SIPA1L1: variants seen among roughly 807,000 people sequenced by gnomAD.
The protein encoded by SIPA1L1 is signal-induced proliferation-associated 1-like protein 1.
In SIPA1L1, 26 loss-of-function variants were observed where a neutral mutation model predicts 162.7. The ratio of observed to expected loss-of-function variants is 0.16; its 90% CI spans 0.12 to 0.22. The LOEUF is 0.22. SIPA1L1 is among the 10% of genes least tolerant of loss of function. The pLI is 1.00. For synonymous variants in SIPA1L1, 829 were observed against 837.4 expected (o/e 0.99, Z 0.17); for missense variants, 1,874 against 2,241.0 (o/e 0.84, Z 3.31).
At chr14:71,608,633 A>C (rs1829781096) in intron 5 of SIPA1L1, among the ~76,000 whole-genome samples, 1 of 152,222 alleles carries the variant, frequency 6.6e-6, no homozygotes, top group Non-Finnish European at 1.5e-5. Context: ...ACGGTGGCTC[A>C]TGTCTGTAGT....
chr14:71,334,392 C>T (rs1306161857), intron 2 of SIPA1L1, among the ~76,000 whole-genome samples: 1 of 152,176 alleles, frequency 6.6e-6, no homozygotes, highest in Non-Finnish European at 1.5e-5. Context: ...AGCATATGCC[C>T]TCCAAAGCCT....
At chr14:71,465,865 G>T (rs1167091576) in intron 2 of SIPA1L1, among the ~76,000 whole-genome samples, 1 of 152,148 alleles carries the variant, frequency 6.6e-6, no homozygotes, top group South Asian at 2.1e-4. Context: ...AAAGTTCAAG[G>T]GCAGGAAGCA....
intron 2 of SIPA1L1, among the ~76,000 whole-genome samples, chr14:71,348,670 T>C (rs1017962191): frequency 6.6e-6 from 1 of 152,216 alleles, no homozygotes; most frequent in Non-Finnish European, 1.5e-5. Flanking sequence ...AATTAGTTTT[T>C]AAGCTTTAAA....
intron 2 of SIPA1L1, among the ~76,000 whole-genome samples, chr14:71,345,786 T>C (rs2036102445): frequency 6.6e-6 from 1 of 151,958 alleles, no homozygotes; most frequent in South Asian, 2.1e-4. Context: ...GCCAGGATGG[T>C]CTCCACCTCC....
intron 7 of SIPA1L1, among the ~76,000 whole-genome samples, chr14:71,626,181 C>T (rs974633844): frequency 2.0e-5 from 3 of 152,142 alleles, no homozygotes; most frequent in African/African-American, 7.2e-5. Context: ...AATATCTTTA[C>T]TAGGCAAAAT....
At chr14:71,354,838 G>T (rs2037087021) in intron 2 of SIPA1L1, among the ~76,000 whole-genome samples, 1 of 152,160 alleles carries the variant, frequency 6.6e-6, no homozygotes, top group African/African-American at 2.4e-5. Flanking sequence ...CACCATCAGT[G>T]CTAAAGCTAA....
chr14:71,713,094 C>T (rs1345581160), intron 17 of SIPA1L1, among the ~76,000 whole-genome samples: 1 of 152,142 alleles, frequency 6.6e-6, no homozygotes, highest in Non-Finnish European at 1.5e-5. Context: ...GTGACATGGG[C>T]CTATAGTCCC....
intron 2 of SIPA1L1, among the ~76,000 whole-genome samples, chr14:71,336,067 T>C (rs2035059981): frequency 6.6e-6 from 1 of 152,240 alleles, no homozygotes; most frequent in Admixed American, 6.5e-5. Context: ...TCCTAAAGTA[T>C]CTTTTAGGCT....
intron 2 of SIPA1L1, among the ~76,000 whole-genome samples, chr14:71,408,200 A>T (rs991997689): frequency 6.6e-5 from 10 of 152,172 alleles, no homozygotes; most frequent in African/African-American, 2.4e-4. Context: ...AGTTTTTAGA[A>T]ATCAGTTTTA....
chr14:71,438,326 C>T (rs1156599117), intron 2 of SIPA1L1, among the ~76,000 whole-genome samples: 1 of 152,152 alleles, frequency 6.6e-6, no homozygotes, highest in Non-Finnish European at 1.5e-5. Flanking sequence ...CCCGATTGCA[C>T]GTCCTTGATG....
Position 71,548,331 on chromosome 14 carries a change from A to AT in SIPA1L1, c.-303+18966dup, listed in dbSNP as rs761484493. On this transcript the variant is annotated intron_variant, in intron 4 of 23. Coordinates refer to ENST00000381232, the MANE Select transcript of SIPA1L1 (RefSeq NM_001386936.1). ...CTGCTGTCAGCGTTTTATTTACTAAATTTTTATCATTTACAAAATTTGAAA... is the reference window on the plus strand; with the variant it reads ...CTGCTGTCAGCGTTTTATTTACTAAATTTTTTATCATTTACAAAATTTGAAA... Among the ~76,000 whole-genome samples the AT allele has an allele frequency of 3.9e-5, 6 of 152,322 alleles. No homozygotes were observed. In the East Asian group the frequency reaches 5.8e-4, roughly 15 times the overall value.
rs139312765 is a variant in SIPA1L1 at position 71,589,065 on chromosome 14, T to G, written c.1193T>G (p.Leu398Arg). ...GAGGACCTGAATTCCAAAGGAAGCC[T>G]CAGCATGGACCAGGGAGATGATAAA... Reference protein sequence around the residue: ...STEDLNSKGSLSMDQGDDKSN... With the variant: ...STEDLNSKGSRSMDQGDDKSN... Residue 398 changes from leucine (L) to arginine (R), a missense_variant, in exon 5 of 24, where the codon CTC becomes CGC. Around this residue, in one of 5 missense-constraint regions of SIPA1L1, gnomAD observed 685 missense variants for 828.0 expected, o/e 0.83. Transcript: ENST00000381232. The G allele has an allele frequency of 2.0e-5, 33 of 1,614,010 alleles. No homozygotes were observed. The highest frequency in any genetic ancestry group is 2.8e-5 in the Non-Finnish European group (33 of 1,179,998).
At chr14:71,322,926 T>G (rs1047690546) in intron 2 of SIPA1L1, among the ~76,000 whole-genome samples, 3 of 152,238 alleles carry the variant, frequency 2.0e-5, no homozygotes, top group Non-Finnish European at 2.9e-5. Flanking sequence ...TTTTAAAATC[T>G]GAAGTATCAG....
At chr14:71,521,176 A>G (rs114478671) in intron 3 of SIPA1L1, among the ~76,000 whole-genome samples, 2,428 of 152,288 alleles carry the variant, frequency 0.016, 59 homozygotes, top group African/African-American at 0.055. Flanking sequence ...TTTCTTTCCA[A>G]TGGCTAGGTA....
intron 2 of SIPA1L1, among the ~76,000 whole-genome samples, chr14:71,437,505 G>A (rs1006161204): frequency 5.3e-5 from 8 of 152,132 alleles, no homozygotes; most frequent in Non-Finnish European, 1.2e-4. Flanking sequence ...AAGTAGCTAG[G>A]ATTACAGGTG....
At chr14:71,506,415 A>C (rs913353989) in intron 2 of SIPA1L1, among the ~76,000 whole-genome samples, 2 of 152,074 alleles carry the variant, frequency 1.3e-5, no homozygotes, top group Non-Finnish European at 2.9e-5. Context: ...ATCTCGGCTC[A>C]CTGTGACCTC....
intron 5 of SIPA1L1, among the ~76,000 whole-genome samples, chr14:71,616,966 GTTT>G (rs1161312399): frequency 6.6e-6 from 1 of 152,122 alleles, no homozygotes; most frequent in Non-Finnish European, 1.5e-5. Context: ...CTAGAAGTTG[GTTT>G]TTATTAGAGT....
chr14:71,531,957 C>T (rs1280431426), intron 4 of SIPA1L1, among the ~76,000 whole-genome samples: 1 of 152,060 alleles, frequency 6.6e-6, no homozygotes, highest in Non-Finnish European at 1.5e-5. Flanking sequence ...ATCCTTTCAA[C>T]TTGAGAACCT....
chr14:71,389,897 C>T (rs1413666058), intron 2 of SIPA1L1, among the ~76,000 whole-genome samples: 1 of 152,222 alleles, frequency 6.6e-6, no homozygotes, highest in African/African-American at 2.4e-5. Flanking sequence ...ATCCAGCGGA[C>T]AAGTGCATTC....
Sources: allele counts gnomAD v4.1 joint callset (sites outside exome capture counted in the v4.1 genomes callset), GRCh38; gene constraint gnomAD v4.1.1; regional missense constraint gnomAD v4.1.1; transcripts MANE v1.5; gene names NCBI Gene and HGNC (gene_info 2026-07-23, HGNC 2026-07-21).